The following DLG2 variants were observed in gnomAD, a reference collection of about 807,000 sequenced individuals.
The protein encoded by DLG2 is disks large homolog 2.
Under a neutral mutation model 132.5 loss-of-function variants are expected in DLG2, and 45 were observed. That is an observed-to-expected ratio of 0.34 (90% CI 0.27 to 0.44). The LOEUF is 0.44. Ranked by LOEUF, DLG2 falls within the 20% of genes least tolerant of loss-of-function variation. The pLI is 1.00. For missense variants in DLG2, 1,045 were observed against 1,196.9 expected, an observed-to-expected ratio of 0.87 and a Z score of 1.87; for synonymous variants, 424 against 419.6, an observed-to-expected ratio of 1.01 and a Z score of -0.13.
At chr11:84,770,829 A>G (rs1177772303) in intron 6 of DLG2, among the ~76,000 whole-genome samples, 1 of 149,400 alleles carries the variant, frequency 6.7e-6, no homozygotes, top group Non-Finnish European at 1.5e-5. Flanking sequence ...TTTTTTTTTA[A>G]GTAAGGACAG....
intron 3 of DLG2, among the ~76,000 whole-genome samples, chr11:85,464,696 G>A (rs1021385347): frequency 6.6e-6 from 1 of 151,910 alleles, no homozygotes; most frequent in Admixed American, 6.6e-5. Context: ...GCAGAATTCA[G>A]GCCCTTATCA....
intron 8 of DLG2, among the ~76,000 whole-genome samples, chr11:84,172,561 G>A (rs1964504): frequency 0.034 from 783 of 22,984 alleles, 6 homozygotes; most frequent in Non-Finnish European, 0.1. Context: ...TTATTTATTT[G>A]AGGTGGAGTC....
rs10160363 is a variant in DLG2, at chr11:85,518,761, C to T, written c.40+79896G>A. ...ACAGCAGCCTCTCCCAACACAGGTC[C>T]GGAGGCCTAGGAGGAAAACATGGCT... On this transcript the variant is annotated intron_variant, in intron 3 of 27. Coordinates refer to ENST00000376104, the MANE Select transcript of DLG2 (RefSeq NM_001142699.3). Among the ~76,000 whole-genome samples the T allele has an allele frequency of 6.1e-3, 934 of 152,264 alleles. 11 individuals are homozygous for T. Among genetic ancestry groups the T allele is most frequent in the African/African-American group, 0.02 (848 of 41,554 alleles).
intron 2 of DLG2, among the ~76,000 whole-genome samples, chr11:85,621,825 T>C (rs553530177): frequency 4.6e-5 from 7 of 152,270 alleles, no homozygotes; most frequent in Middle Eastern, 6.8e-3. Context: ...CAACAAAGGG[T>C]TTAGAATATT....
rs1183626258 is a variant in DLG2 at position 83,827,822 on chromosome 11, A to G, written c.1722+5792T>C. Among the ~76,000 whole-genome samples the G allele has an allele frequency of 2.0e-5, 3 of 152,224 alleles. No individual in the cohort carries two copies. The East Asian group carries it at 5.8e-4, about 29-fold the overall frequency. On this transcript the variant is annotated intron_variant, in intron 17 of 27. Transcript: ENST00000376104. ...AAAGAATGCCTGAGGAGGCGACTGC[A>G]CTAGTTAATGTGACTGCATGCTGAA...
At chr11:84,597,168 C>T (rs184457129) in intron 6 of DLG2, among the ~76,000 whole-genome samples, 60 of 151,868 alleles carry the variant, frequency 4.0e-4, no homozygotes, top group African/African-American at 1.4e-3. Flanking sequence ...TGCAGTAAGC[C>T]GAGATTGCGC....
At chr11:84,809,721 T>C (rs1331986011) in intron 6 of DLG2, among the ~76,000 whole-genome samples, 2 of 151,928 alleles carry the variant, frequency 1.3e-5, no homozygotes, top group Non-Finnish European at 2.9e-5. Flanking sequence ...TCAAAAACTA[T>C]AAAATAATGA....
At chr11:83,517,903 C>G (rs138541244) in intron 21 of DLG2, among the ~76,000 whole-genome samples, 7 of 152,162 alleles carry the variant, frequency 4.6e-5, no homozygotes, top group Non-Finnish European at 7.4e-5. Flanking sequence ...GAGGAGTACT[C>G]GGCCATGTGA....
rs533281889 is a variant in DLG2, at chr11:83,520,241, C to T, written c.2193+12467G>A. 2.1e-3 allele frequency among the ~76,000 whole-genome samples: 326 copies of T among 152,240 alleles called. 1 individual carries two copies. Among genetic ancestry groups the T allele is most frequent in the Non-Finnish European group, 4.2e-3 (289 of 68,010 alleles). ...ACAAGTGCTTGTAATAAATTTGAGA[C>T]AGTAATTGGAAAAGTTCTCACTTTG... On this transcript the variant is annotated intron_variant, in intron 21 of 27. Transcript: ENST00000376104.
intron 11 of DLG2, among the ~76,000 whole-genome samples, chr11:84,002,106 A>G (rs1195486093): frequency 6.6e-6 from 1 of 152,200 alleles, no homozygotes; most frequent in Non-Finnish European, 1.5e-5. Flanking sequence ...AGAACAATAT[A>G]AGGGTCAACA....
intron 3 of DLG2, among the ~76,000 whole-genome samples, chr11:85,463,963 T>G (rs2092697464): frequency 1.1e-5 from 1 of 93,640 alleles, no homozygotes; most frequent in African/African-American, 3.7e-5. Context: ...ATTTAATATA[T>G]ATTATGCACC....
chr11:85,312,612 TA>T (rs1264121566), intron 3 of DLG2, among the ~76,000 whole-genome samples: 1 of 151,922 alleles, frequency 6.6e-6, no homozygotes, highest in African/African-American at 2.4e-5. Flanking sequence ...TTGACTCTGA[TA>T]AACAAAATTC....
At chr11:85,394,253 T>C (rs936073065) in intron 3 of DLG2, among the ~76,000 whole-genome samples, 1 of 152,218 alleles carries the variant, frequency 6.6e-6, no homozygotes, top group African/African-American at 2.4e-5. Context: ...CATTCCACTA[T>C]ATATCAGTGT....
At chr11:84,402,881 C>CAAACAAAAAAAAAAAAA (rs2098835032) in intron 7 of DLG2, among the ~76,000 whole-genome samples, 1 of 73,914 alleles carries the variant, frequency 1.4e-5, no homozygotes, top group Non-Finnish European at 2.4e-5. Flanking sequence ...AACTCCGTCT[C>CAAACAAAAAAAAAAAAA]AAAAAAAAAA....
chr11:84,744,916 A>G (rs533836191), intron 6 of DLG2, among the ~76,000 whole-genome samples: 70 of 150,990 alleles, frequency 4.6e-4, no homozygotes, highest in East Asian at 4.3e-3. Context: ...AAAAAAAAAA[A>G]AAAGAAACCT....
Position 85,404,566 on chromosome 11 carries a change from A to T in DLG2, c.41-119201T>A, listed in dbSNP as rs576334707. Among the ~76,000 whole-genome samples the T allele has an allele frequency of 5.9e-5, 9 of 152,056 alleles. No individual in the cohort carries two copies. The South Asian group carries it at 1.9e-3, about 32-fold the overall frequency. The stretch of plus-strand genomic sequence containing the variant: ...TGAGAGACACTTGCAAAACTGTTGC[A>T]TAGCTGCTACAACAGAAAAACTTAC... On this transcript the variant is annotated intron_variant, in intron 3 of 27. Transcript: ENST00000376104.
intron 7 of DLG2, among the ~76,000 whole-genome samples, chr11:84,278,584 A>AT (rs2097812867): frequency 6.6e-6 from 1 of 152,114 alleles, no homozygotes; most frequent in Non-Finnish European, 1.5e-5. Flanking sequence ...TTCTTAAAAA[A>AT]TTTTTTAGCA....
At chr11:84,749,250 T>G (rs949813842) in intron 6 of DLG2, among the ~76,000 whole-genome samples, 7 of 152,116 alleles carry the variant, frequency 4.6e-5, no homozygotes, top group Admixed American at 2.0e-4. Flanking sequence ...TCTAAAAGTT[T>G]TCTACACAGT....
chr11:84,007,190 C>G (rs2094611325), intron 11 of DLG2, among the ~76,000 whole-genome samples: 1 of 151,600 alleles, frequency 6.6e-6, no homozygotes, highest in African/African-American at 2.4e-5. Flanking sequence ...ACATCTTGCT[C>G]ACTATGAAAC....
Sources: gnomAD v4.1 joint callset for allele counts (sites outside exome capture counted in the v4.1 genomes callset) on GRCh38, gnomAD v4.1.1 for gene constraint, MANE v1.5 for transcripts, NCBI Gene and HGNC (gene_info 2026-07-23, HGNC 2026-07-21) for gene names.